The following SLC17A2 variants were observed in gnomAD, a reference collection of about 807,000 sequenced individuals.
The protein encoded by SLC17A2 is sodium-dependent phosphate transport protein 3.
A neutral mutation model predicts 52.1 loss-of-function variants in SLC17A2; 38 were observed. That is an observed-to-expected ratio of 0.73 (90% confidence interval 0.56 to 0.96). The LOEUF (loss-of-function observed/expected upper bound fraction) is 0.96, where lower values mean the gene tolerates loss of function less well. Ranked by LOEUF, SLC17A2 falls within the 40% of genes least tolerant of loss-of-function variation. SLC17A2 has a pLI of 0.00. For synonymous variants in SLC17A2, 226 were observed against 211.9 expected (o/e 1.07, Z -0.58); for missense variants, 508 against 583.9 (o/e 0.87, Z 1.34).
chr6:25,919,610 A>G (rs918918504), intron 5 of SLC17A2, among the ~76,000 whole-genome samples: 5 of 147,506 alleles, frequency 3.4e-5, no homozygotes, highest in Admixed American at 2.1e-4. Context: ...TGAGGCAGGA[A>G]AATGGCGTGA....
chr6:25,913,445 C>T lies in SLC17A2; in HGVS notation c.1309G>A (p.Glu437Lys), dbSNP rs748068778. 4 of 1,613,896 alleles carry T rather than the reference C, an allele frequency of 2.5e-6. No individual in the cohort carries two copies. The highest frequency in any genetic ancestry group is 2.5e-6 in the Non-Finnish European group (3 of 1,179,876). The change falls in exon 12 of 12, where the codon GAG becomes AAG. Residue 437 changes from glutamate to lysine, a missense_variant. By Grantham distance (56) the Glu-to-Lys change is moderately conservative (BLOSUM62 1). Transcript: ENST00000377850. ...ATGFLISQDFESGWRNVFFLS... is the reference protein window; with the variant it reads ...ATGFLISQDFKSGWRNVFFLS... ...AAAAAGACATTCCTCCAACCAGACTCAAAATCCTAGATGTAAAAAACAGAG... is the reference window on the plus strand; with the variant it reads ...AAAAAGACATTCCTCCAACCAGACTTAAAATCCTAGATGTAAAAAACAGAG...
chr6:25,913,403 T>A lies in SLC17A2; in HGVS notation c.1351A>T (p.Asn451Tyr). The A allele has an allele frequency of 6.2e-7, 1 of 1,614,122 alleles. No homozygotes were observed. Among genetic ancestry groups the A allele is most frequent in the Non-Finnish European group, 8.5e-7 (1 of 1,179,982 alleles). The change falls in exon 12 of 12, where the codon AAC (asparagine) becomes TAC (tyrosine). Residue 451 changes from asparagine to tyrosine, a missense_variant. Asn to Tyr is a moderately radical substitution (Grantham distance 143, BLOSUM62 -2). Coordinates refer to ENST00000377850, the MANE Select transcript of SLC17A2 (RefSeq NM_001286123.3). ...RNVFFLSAAV[N>Y]MFGLVFYLTF... is the part of the protein sequence containing the mutation. ...AGGTAAAAGACCAGGCCAAACATGT[T>A]GACTGCAGCAGACAGGAAAAAGACA...
chr6:25,920,250 A>G (rs1006919080), intron 5 of SLC17A2, among the ~76,000 whole-genome samples: 7 of 152,172 alleles, frequency 4.6e-5, no homozygotes, highest in Admixed American at 3.3e-4. Context: ...GCTGGATGGA[A>G]TTTTAGTTCT....
rs769480181 is a variant in SLC17A2 at position 25,913,455 on chromosome 6, G to T, written c.1303-4C>A. On this transcript the variant is annotated splice_region_variant and splice_polypyrimidine_tract_variant and intron_variant, in intron 11 of 11. Coordinates refer to ENST00000377850, the MANE Select transcript of SLC17A2 (RefSeq NM_001286123.3). ...TCCTCCAACCAGACTCAAAATCCTA[G>T]ATGTAAAAAACAGAGAAAATGATCA... 6.2e-7 allele frequency: 1 copy of T among 1,613,556 alleles called. No individual in the cohort carries two copies. Among genetic ancestry groups the T allele is most frequent in the Non-Finnish European group, 8.5e-7 (1 of 1,179,646 alleles).
In SLC17A2 at chr6:25,916,807, C is replaced by G. The variant is rs140811656; in HGVS notation, c.808G>C (p.Val270Leu). 3,014 of 1,614,134 alleles carry G rather than the reference C, an allele frequency of 1.9e-3. 2 individuals carry two copies. The highest frequency in any genetic ancestry group is 3.0e-3 in the Admixed American group (180 of 60,016). ...ATGGCCCAAAGTGGTAGGCATGTGA[C>G]CATCGCCTTTATGGGGACAGCTCGT... ...PGRAVPIKAM[V>L]TCLPLWAIFL... The change falls in exon 8 of 12, where the codon GTC becomes CTC. Residue 270 changes from valine to leucine, a missense_variant. Transcript: ENST00000377850.
At position 25,914,600 on chromosome 6, in the gene SLC17A2, T is replaced by A; in HGVS notation, c.1282A>T (p.Thr428Ser). Reference protein sequence around the residue: ...LIAGIISSTATGFLISQDFES... With the variant: ...LIAGIISSTASGFLISQDFES... Reference sequence around the variant, plus strand: ...CCAACCTGACTGATGAGGAATCCAGTGGCAGTGGAAGAGATGATTCCTGCG... The same window carrying A: ...CCAACCTGACTGATGAGGAATCCAGAGGCAGTGGAAGAGATGATTCCTGCG... Residue 428 changes from threonine (T) to serine (S), a missense_variant, in exon 11 of 12, where the codon ACT (threonine) becomes TCT (serine). Thr to Ser is a moderately conservative substitution (Grantham distance 58). Coordinates refer to ENST00000377850, the MANE Select transcript of SLC17A2 (RefSeq NM_001286123.3). The A allele has an allele frequency of 1.2e-6, 2 of 1,612,196 alleles. No homozygotes were observed. Among genetic ancestry groups the A allele is most frequent in the Non-Finnish European group, 1.7e-6 (2 of 1,178,206 alleles).
chr6:25,913,808 T>G (rs371207000), intron 11 of SLC17A2, among the ~76,000 whole-genome samples: 4 of 127,518 alleles, frequency 3.1e-5, no homozygotes, highest in East Asian at 2.1e-4. Flanking sequence ...GTTTGTTTTG[T>G]TTTTTTTTGT....
chr6:25,920,315 A>G (rs1766504502), intron 5 of SLC17A2, among the ~76,000 whole-genome samples: 1 of 152,162 alleles, frequency 6.6e-6, no homozygotes, highest in Admixed American at 6.5e-5. Context: ...GCAATGATAA[A>G]GCTGTAGAGG....
At chr6:25,923,146 C>T (rs1766622115) in intron 3 of SLC17A2, among the ~76,000 whole-genome samples, 1 of 152,282 alleles carries the variant, frequency 6.6e-6, no homozygotes, top group South Asian at 2.1e-4. Flanking sequence ...GAGATCATGC[C>T]ACTGCACTCC....
rs1766649319 is a variant in SLC17A2, at chr6:25,923,794, G to T, written c.141C>A (p.Asn47Lys). The T allele has an allele frequency of 6.2e-7, 1 of 1,614,054 alleles. No homozygotes were observed. The highest frequency in any genetic ancestry group is 8.5e-7 in the Non-Finnish European group (1 of 1,180,042). ...TAGATAGACCTTGCTGCTGAGTGGT[G>T]TTCACCATGGCGATGATCGCAATGC... ...SLSIAIIAMV[N>K]TTQQQGLSNA... is the part of the protein sequence containing the mutation. The change falls in exon 3 of 12, where the codon AAC (asparagine) becomes AAA (lysine). Residue 47 changes from asparagine (N) to lysine (K), a missense_variant. Coordinates refer to ENST00000377850, the MANE Select transcript of SLC17A2 (RefSeq NM_001286123.3).
chr6:25,918,507 G>C lies in SLC17A2; in HGVS notation c.629C>G (p.Pro210Arg), dbSNP rs1325704210. The change falls in exon 6 of 12, where the codon CCT becomes CGT. Residue 210 changes from proline (P) to arginine (R), a missense_variant. Transcript: ENST00000377850. ...CTCACCAAAGATGTAGAAGATAAAAGGCCAGCTCAAGGCCTGTGAGATTAG... is the reference window on the plus strand; with the variant it reads ...CTCACCAAAGATGTAGAAGATAAAACGCCAGCTCAAGGCCTGTGAGATTAG... Reference protein sequence around the residue: ...GGLISQALSWPFIFYIFGSTG... With the variant: ...GGLISQALSWRFIFYIFGSTG... 1 of 1,612,730 alleles carries C rather than the reference G, an allele frequency of 6.2e-7. No homozygotes were observed. Among genetic ancestry groups the C allele is most frequent in the Non-Finnish European group, 8.5e-7 (1 of 1,178,796 alleles).
intron 8 of SLC17A2, 101 bp from the exon 9 acceptor site, chr6:25,915,969 G>A: frequency 1.8e-6 from 2 of 1,085,794 alleles, no homozygotes; most frequent in Non-Finnish European, 2.6e-6. Context: ...ATGATACTGT[G>A]GGTTGTTTGG....
At position 25,915,177 on chromosome 6, in the gene SLC17A2, A is replaced by ATATATATATATG. The variant is rs1554137783; in HGVS notation, c.1211+321_1211+322insCATATATATATA. 3.2e-3 allele frequency among the ~76,000 whole-genome samples: 344 copies of ATATATATATATG among 108,070 alleles called. 26 individuals carry two copies. The highest frequency in any genetic ancestry group is 4.6e-3 in the Non-Finnish European group (228 of 49,280). The allele number at this position is 108,070 out of a possible 152,430, so 70.9% of individuals were successfully genotyped here. A position where few individuals can be genotyped will look rare whatever the true frequency, so the allele number is the denominator to read the frequency against. On this transcript the variant is annotated intron_variant, in intron 10 of 11. Coordinates refer to ENST00000377850, the MANE Select transcript of SLC17A2 (RefSeq NM_001286123.3). ...TATATATATATATATATATATATATATGGTAGCTAATATGAACAACACCAT... is the reference window on the plus strand; with the variant it reads ...TATATATATATATATATATATATATATATATATATATGTGGTAGCTAATATGAACAACACCAT...
Position 25,926,480 on chromosome 6 carries a change from A to T in SLC17A2, c.-83-601T>A, listed in dbSNP as rs570893074. ...ACTTGCTTGGACTGACAAAGTCTTC[A>T]TATCACCTAGAAAATTATAATGAAC... On this transcript the variant is annotated intron_variant, in intron 1 of 11. Coordinates refer to ENST00000377850, the MANE Select transcript of SLC17A2 (RefSeq NM_001286123.3). Among the ~76,000 whole-genome samples the T allele has an allele frequency of 2.6e-5, 4 of 152,366 alleles. No homozygotes were observed. The East Asian group carries it at 7.7e-4, about 29-fold the overall frequency.
chr6:25,920,863 T>C, intron 5 of SLC17A2, 143 bp downstream of exon 5: 1 of 698,256 alleles, frequency 1.4e-6, no homozygotes, highest in Admixed American at 2.7e-5. Flanking sequence ...GCATCTTTCC[T>C]ATTTGTGATG....
chr6:25,919,526 C>T (rs1231066927), intron 5 of SLC17A2, among the ~76,000 whole-genome samples: 3 of 151,000 alleles, frequency 2.0e-5, no homozygotes, highest in Non-Finnish European at 3.0e-5. Flanking sequence ...GCTTGAAACC[C>T]CGTCTCTACT....
intron 6 of SLC17A2, among the ~76,000 whole-genome samples, chr6:25,917,785 T>C (rs1215596290): frequency 6.6e-6 from 1 of 152,272 alleles, no homozygotes; most frequent in Non-Finnish European, 1.5e-5. Flanking sequence ...ACTAGTTTTC[T>C]TTAAATCCCC....
intron 10 of SLC17A2, 38 bp downstream of exon 10, chr6:25,915,461 G>C: frequency 6.5e-7 from 1 of 1,530,316 alleles, no homozygotes. Context: ...ACCTCTGGAG[G>C]GGTCTGGAGG....
Position 25,917,563 on chromosome 6 carries a change from T to A in SLC17A2, c.650-476A>T, listed in dbSNP as rs138105599. Among the ~76,000 whole-genome samples, 15 of 152,334 alleles carry A rather than the reference T, an allele frequency of 9.8e-5. No individual in the cohort carries two copies. In the East Asian group the frequency reaches 2.5e-3, roughly 25 times the overall value. On this transcript the variant is annotated intron_variant, in intron 6 of 11. Transcript: ENST00000377850. Reference sequence around the variant, plus strand: ...GTATTATTTGTATTCAAGCCATACATCCATTATGGATTCCCAAAAGAAATA... The same window carrying A: ...GTATTATTTGTATTCAAGCCATACAACCATTATGGATTCCCAAAAGAAATA...
Sources: allele counts gnomAD v4.1 joint callset (sites outside exome capture counted in the v4.1 genomes callset), GRCh38; gene constraint gnomAD v4.1.1; transcripts MANE v1.5; gene names NCBI Gene and HGNC (gene_info 2026-07-23, HGNC 2026-07-21).